The following SYT1 variants were observed in gnomAD, a reference collection of about 807,000 sequenced individuals.
The protein encoded by SYT1 is synaptotagmin 1.
SYT1 carries 8 observed loss-of-function variants against 44.8 expected under a neutral mutation model. The observed-to-expected ratio is 0.18, with a 90% confidence interval of 0.10 to 0.32. SYT1 has a LOEUF of 0.32. SYT1 is among the 10% of genes least tolerant of loss of function. The pLI, the probability that SYT1 is intolerant of heterozygous loss-of-function variation, is 1.00. For synonymous variants in SYT1, 154 were observed against 188.8 expected, an observed-to-expected ratio of 0.82 and a Z score of 1.51; for missense variants, 286 against 509.3, an observed-to-expected ratio of 0.56 and a Z score of 4.22.
chr12:79,245,924 G>T (rs560646866), intron 4 of SYT1, among the ~76,000 whole-genome samples: 1 of 151,906 alleles, frequency 6.6e-6, no homozygotes, highest in African/African-American at 2.4e-5. Context: ...AAATAGATGT[G>T]GCCTGAGCAG....
intron 9 of SYT1, among the ~76,000 whole-genome samples, chr12:79,408,362 T>C (rs7959817): frequency 5.3e-5 from 8 of 152,138 alleles, no homozygotes; most frequent in African/African-American, 1.9e-4. Flanking sequence ...TTACTAAGTC[T>C]CACTACAGAG....
Position 78,936,550 on chromosome 12 carries a change from G to C in SYT1, c.-216-41249G>C, listed in dbSNP as rs181590364. On this transcript the variant is annotated intron_variant, in intron 1 of 10. Coordinates refer to ENST00000261205, the MANE Select transcript of SYT1 (RefSeq NM_005639.3). ...AAATTGGGTATTTATAGATAATTAG[G>C]AGGTAAGATTAATTACAATTTTTCC... is the stretch of plus-strand genomic sequence containing the variant. Among the ~76,000 whole-genome samples the C allele has an allele frequency of 9.0e-4, 137 of 152,042 alleles. 2 individuals carry two copies. Among genetic ancestry groups the C allele is most frequent in the Admixed American group, 3.7e-3 (56 of 15,256 alleles).
chr12:79,162,856 A>G (rs1871032536), intron 3 of SYT1, among the ~76,000 whole-genome samples: 1 of 149,246 alleles, frequency 6.7e-6, no homozygotes, highest in South Asian at 2.1e-4. Flanking sequence ...ATGTGGGCCC[A>G]TTATTCTAGA....
At chr12:78,872,229 C>T (rs1312939138) in intron 1 of SYT1, among the ~76,000 whole-genome samples, 1 of 151,800 alleles carries the variant, frequency 6.6e-6, no homozygotes, top group African/African-American at 2.4e-5. Flanking sequence ...TAAAAAAGTA[C>T]TTGATATGCA....
chr12:79,044,354 C>T (rs1267566245), intron 2 of SYT1, among the ~76,000 whole-genome samples: 1 of 151,962 alleles, frequency 6.6e-6, no homozygotes, highest in Admixed American at 6.6e-5. Context: ...CTAAACTTCC[C>T]TTCTCGCTTC....
At chr12:79,426,436 A>G (rs1286682660) in intron 9 of SYT1, among the ~76,000 whole-genome samples, 2 of 152,200 alleles carry the variant, frequency 1.3e-5, no homozygotes, top group Non-Finnish European at 2.9e-5. Context: ...TTAATTAGAT[A>G]AACTTGCTTT....
chr12:79,234,970 A>C (rs1396709785), intron 4 of SYT1, among the ~76,000 whole-genome samples: 1 of 152,090 alleles, frequency 6.6e-6, no homozygotes, highest in African/African-American at 2.4e-5. Flanking sequence ...TGGCCTCCCA[A>C]AATGCTGGGA....
chr12:79,106,841 T>G (rs1454982907), intron 3 of SYT1, among the ~76,000 whole-genome samples: 1 of 152,096 alleles, frequency 6.6e-6, no homozygotes, highest in Non-Finnish European at 1.5e-5. Flanking sequence ...CTTTTTTATC[T>G]GCTAGTTTTT....
chr12:79,141,013 A>G (rs17005287), intron 3 of SYT1, among the ~76,000 whole-genome samples: 14,474 of 152,266 alleles, frequency 0.095, 886 homozygotes, highest in African/African-American at 0.17. Flanking sequence ...GAAAAATGGA[A>G]GCCAGGTTTT....
chr12:79,278,182 A>C (rs1878840837), intron 4 of SYT1, among the ~76,000 whole-genome samples: 1 of 152,110 alleles, frequency 6.6e-6, no homozygotes, highest in Admixed American at 6.6e-5. Context: ...TATTTACAAA[A>C]CATTCTGCCC....
At chr12:78,931,203 GAAAGAAAGAAAGAAAGAAAGAAAGA>G (rs1877634172) in intron 1 of SYT1, among the ~76,000 whole-genome samples, 1 of 39,006 alleles carries the variant, frequency 2.6e-5, no homozygotes, top group Non-Finnish European at 4.3e-5. Flanking sequence ...AAGAAAGAAA[GAAAGAAAGAAAGAAAGAAAGAAAGA>G]AAGAAAGAAA....
intron 9 of SYT1, among the ~76,000 whole-genome samples, chr12:79,395,324 G>GTC (rs1186298122): frequency 6.6e-6 from 1 of 151,994 alleles, no homozygotes; most frequent in African/African-American, 2.4e-5. Context: ...ATTCAATCAA[G>GTC]TCTTCTGCCT....
chr12:79,371,776 A>AT (rs2136050567), intron 9 of SYT1, among the ~76,000 whole-genome samples: 1 of 152,332 alleles, frequency 6.6e-6, no homozygotes, highest in African/African-American at 2.4e-5. Context: ...GAGGTTTGAG[A>AT]TAAAAAGTTT....
At chr12:78,874,877 C>T (rs1205822969) in intron 1 of SYT1, among the ~76,000 whole-genome samples, 1 of 151,562 alleles carries the variant, frequency 6.6e-6, no homozygotes, top group Non-Finnish European at 1.5e-5. Flanking sequence ...TTATTTAATT[C>T]TAGTTATGTC....
intron 8 of SYT1, among the ~76,000 whole-genome samples, chr12:79,314,123 C>T (rs543348607): frequency 5.8e-5 from 8 of 138,018 alleles, no homozygotes; most frequent in Middle Eastern, 7.6e-3. Flanking sequence ...GAGCCGAGAT[C>T]GCGCCACTGC....
At chr12:79,160,078 G>A (rs1205307419) in intron 3 of SYT1, among the ~76,000 whole-genome samples, 1 of 152,130 alleles carries the variant, frequency 6.6e-6, no homozygotes, top group Non-Finnish European at 1.5e-5. Flanking sequence ...GGGAAGAAAT[G>A]ATCATGTTTT....
chr12:79,082,209 A>T (rs932061067), intron 3 of SYT1, among the ~76,000 whole-genome samples: 2 of 152,072 alleles, frequency 1.3e-5, no homozygotes, highest in African/African-American at 4.8e-5. Context: ...GTCATTTTTT[A>T]ATCTTTTATT....
chr12:79,426,959 T>C (rs1300996999), intron 9 of SYT1, among the ~76,000 whole-genome samples: 1 of 152,154 alleles, frequency 6.6e-6, no homozygotes, highest in African/African-American at 2.4e-5. Context: ...TTTCCCCTGC[T>C]TACAATTCTC....
intron 1 of SYT1, among the ~76,000 whole-genome samples, chr12:78,871,155 T>G (rs554486648): frequency 6.6e-6 from 1 of 152,160 alleles, no homozygotes; most frequent in African/African-American, 2.4e-5. Context: ...CTGGAGACCC[T>G]TAAATAAGCA....
Sources: gnomAD v4.1 joint callset for allele counts (sites outside exome capture counted in the v4.1 genomes callset) on GRCh38, gnomAD v4.1.1 for gene constraint, MANE v1.5 for transcripts, NCBI Gene and HGNC (gene_info 2026-07-23, HGNC 2026-07-21) for gene names.